The following AGBL1 variants were observed in gnomAD, a reference collection of about 807,000 sequenced individuals.
AGBL1 encodes cytosolic carboxypeptidase 4.
AGBL1 carries 130 observed loss-of-function variants against 118.9 expected under a neutral mutation model. The ratio of observed to expected loss-of-function variants is 1.09; its 90% CI spans 0.95 to 1.26. The LOEUF is 1.26. Among genes scored for constraint, AGBL1 ranks in the 50% most tolerant of loss-of-function variants. The pLI is 0.00. For synonymous variants in AGBL1, 555 were observed against 478.9 expected (o/e 1.16, Z -2.08); for missense variants, 1,584 against 1,298.1 (o/e 1.22, Z -3.38).
At chr15:86,854,147 C>A (rs2079445786) in intron 22 of AGBL1, among the ~76,000 whole-genome samples, 1 of 152,170 alleles carries the variant, frequency 6.6e-6, no homozygotes, top group Non-Finnish European at 1.5e-5. Flanking sequence ...TCATCCCATT[C>A]ACGGTGTCTC....
intron 23 of AGBL1, among the ~76,000 whole-genome samples, chr15:86,953,955 G>C (rs1486736789): frequency 6.6e-6 from 1 of 151,980 alleles, no homozygotes; most frequent in African/African-American, 2.4e-5. Context: ...AAAGAAGATG[G>C]ACAAGCAGCC....
intron 11 of AGBL1, among the ~76,000 whole-genome samples, chr15:86,265,782 C>T (rs913903081): frequency 6.6e-6 from 1 of 152,224 alleles, no homozygotes; most frequent in African/African-American, 2.4e-5. Context: ...TCACCCTTCT[C>T]TCACACCTCC....
At chr15:86,131,817 G>T (rs1461606028) in intron 1 of AGBL1, among the ~76,000 whole-genome samples, 1 of 151,872 alleles carries the variant, frequency 6.6e-6, no homozygotes, top group Non-Finnish European at 1.5e-5. Context: ...AGGTGTGGTG[G>T]TGCACTCCTG....
chr15:86,087,246 T>C (rs1281398373), intron 1 of AGBL1, among the ~76,000 whole-genome samples: 1 of 152,158 alleles, frequency 6.6e-6, no homozygotes, highest in Non-Finnish European at 1.5e-5. Flanking sequence ...TCATAATAGC[T>C]AAAATAATAA....
chr15:86,489,997 T>C (rs893726993), intron 18 of AGBL1, among the ~76,000 whole-genome samples: 4 of 152,116 alleles, frequency 2.6e-5, no homozygotes, highest in Non-Finnish European at 5.9e-5. Flanking sequence ...CTTCAGTGGA[T>C]GCATGGGTAA....
At chr15:86,674,252 A>C in intron 21 of AGBL1, 21 bp from the exon 22 acceptor site, 1 of 1,598,728 alleles carries the variant, frequency 6.3e-7, no homozygotes, top group Non-Finnish European at 8.5e-7. Flanking sequence ...TGCCACAGTT[A>C]ATGCTTTGTT....
intron 7 of AGBL1, among the ~76,000 whole-genome samples, chr15:86,250,671 A>ATAGGCTGT (rs1567155512): frequency 1.3e-5 from 2 of 151,398 alleles, no homozygotes. Context: ...CAGGTGAAAG[A>ATAGGCTGT]TAGGCTGTCC....
chr15:86,670,216 G>T (rs1364321863), intron 21 of AGBL1, among the ~76,000 whole-genome samples: 2 of 152,060 alleles, frequency 1.3e-5, no homozygotes, highest in Non-Finnish European at 2.9e-5. Context: ...ATGTTATGGA[G>T]CCACTGCCCT....
chr15:86,224,875 A>G (rs1424965967), intron 5 of AGBL1, 39 bp from the exon 6 acceptor site: 12 of 1,609,312 alleles, frequency 7.5e-6, no homozygotes, highest in South Asian at 2.2e-5. Flanking sequence ...GAAAAAGACC[A>G]TTGAATGTTG....
At chr15:86,211,295 G>A (rs2078093420) in intron 5 of AGBL1, among the ~76,000 whole-genome samples, 1 of 152,214 alleles carries the variant, frequency 6.6e-6, no homozygotes, top group Non-Finnish European at 1.5e-5. Context: ...ACAGGGGTCA[G>A]GGATCCACTT....
chr15:86,212,684 C>A (rs1304688226), intron 5 of AGBL1, among the ~76,000 whole-genome samples: 1 of 152,180 alleles, frequency 6.6e-6, no homozygotes, highest in African/African-American at 2.4e-5. Context: ...GAGTCTCACT[C>A]TGTTGCCCAG....
chr15:86,954,480 TGAAATC>T (rs1319102571), intron 23 of AGBL1, among the ~76,000 whole-genome samples: 5 of 152,200 alleles, frequency 3.3e-5, no homozygotes, highest in Non-Finnish European at 5.9e-5. Flanking sequence ...ATAGAAAGAT[TGAAATC>T]ATGTCCTTTG....
At chr15:86,352,993 G>A (rs8029577) in intron 17 of AGBL1, among the ~76,000 whole-genome samples, 83,586 of 152,084 alleles carry the variant, frequency 0.55, 23,491 homozygotes, top group Middle Eastern at 0.59. Context: ...TCAATGATAT[G>A]AAATGATATT....
chr15:86,469,565 C>A (rs1472582217), intron 18 of AGBL1, among the ~76,000 whole-genome samples: 1 of 152,086 alleles, frequency 6.6e-6, no homozygotes, highest in African/African-American at 2.4e-5. Flanking sequence ...ATCTCTTGGA[C>A]ATACTGATGT....
chr15:86,775,067 G>C (rs1021009098), intron 22 of AGBL1, among the ~76,000 whole-genome samples: 3 of 152,158 alleles, frequency 2.0e-5, no homozygotes, highest in Admixed American at 6.5e-5. Context: ...TGGGAACACA[G>C]TGGTGTTCAA....
intron 23 of AGBL1, among the ~76,000 whole-genome samples, chr15:86,949,389 C>T (rs2080856277): frequency 6.6e-6 from 1 of 152,000 alleles, no homozygotes; most frequent in South Asian, 2.1e-4. Flanking sequence ...ACTGCTCCAC[C>T]CTTCAGGGAA....
chr15:86,318,969 G>C (rs1407118762), intron 17 of AGBL1, among the ~76,000 whole-genome samples: 1 of 152,100 alleles, frequency 6.6e-6, no homozygotes, highest in East Asian at 1.9e-4. Context: ...TCCCCGTACA[G>C]TCTTGCTACC....
At chr15:86,558,646 G>T (rs78397655) in intron 21 of AGBL1, among the ~76,000 whole-genome samples, 4,317 of 152,248 alleles carry the variant, frequency 0.028, 98 homozygotes, top group East Asian at 0.078. Context: ...ATGCATGCTG[G>T]AACTAAGCAC....
In AGBL1 at chr15:86,785,776, A is replaced by G. The variant is rs547928081; in HGVS notation, c.3158+111340A>G. ...AAGTTAGGAGAAAATCACAAGAAAT[A>G]AATCAGGTAATCGAACCCCAAGAGA... is the stretch of plus-strand genomic sequence containing the variant. On this transcript the variant is annotated intron_variant, in intron 22 of 22. Coordinates refer to ENST00000614907, the MANE Select transcript of AGBL1 (RefSeq NM_001386094.1). Among the ~76,000 whole-genome samples, 13 of 152,314 alleles carry G rather than the reference A, an allele frequency of 8.5e-5. No individual in the cohort carries two copies. The South Asian group carries it at 2.7e-3, about 32-fold the overall frequency.
Sources: gnomAD v4.1 joint callset for allele counts (sites outside exome capture counted in the v4.1 genomes callset) on GRCh38, gnomAD v4.1.1 for gene constraint, MANE v1.5 for transcripts, NCBI Gene and HGNC (gene_info 2026-07-23, HGNC 2026-07-21) for gene names.